The following PRH1 variants were observed in gnomAD, a reference collection of about 807,000 sequenced individuals.
The protein encoded by PRH1 is proline rich protein HaeIII subfamily 1.
Under a neutral mutation model 7.9 loss-of-function variants are expected in PRH1, and 7 were observed. The ratio of observed to expected loss-of-function variants is 0.89; its 90% CI spans 0.50 to 1.67. The LOEUF is 1.67. PRH1 is among the 40% of genes most tolerant of loss of function. PRH1 has a pLI of 0.00. For missense variants in PRH1, 109 were observed against 223.6 expected, an observed-to-expected ratio of 0.49 and a Z score of 3.27; for synonymous variants, 45 against 80.8, an observed-to-expected ratio of 0.56 and a Z score of 2.38.
At chr12:10,978,271 C>G (rs1341471593) in intron 1 of PRH1, among the ~76,000 whole-genome samples, 1 of 152,160 alleles carries the variant, frequency 6.6e-6, no homozygotes, top group African/African-American at 2.4e-5. Context: ...CACCCACCTA[C>G]AGCCATCTGA....
intron 1 of PRH1, among the ~76,000 whole-genome samples, chr12:11,041,078 A>G (rs1050770728): frequency 3.3e-5 from 5 of 152,074 alleles, no homozygotes; most frequent in African/African-American, 1.2e-4. Context: ...AAGAAATAAT[A>G]AAATGACAGA....
chr12:11,087,825 A>T (rs1944756836), intron 1 of PRH1, among the ~76,000 whole-genome samples: 1 of 115,896 alleles, frequency 8.6e-6, no homozygotes, highest in Non-Finnish European at 2.0e-5. Context: ...GCTTTCCAGG[A>T]TGTGCTGTCT....
intron 1 of PRH1, among the ~76,000 whole-genome samples, chr12:11,004,762 C>T (rs1940751075): frequency 6.6e-6 from 1 of 151,918 alleles, no homozygotes; most frequent in Non-Finnish European, 1.5e-5. Context: ...TTCCTTTAAT[C>T]AATCATTACG....
At chr12:11,144,713 T>C (rs1946812959) in intron 1 of PRH1, among the ~76,000 whole-genome samples, 1 of 152,196 alleles carries the variant, frequency 6.6e-6, no homozygotes, top group South Asian at 2.1e-4. Flanking sequence ...GATGGAGTAC[T>C]ATGGTGCCAG....
At chr12:11,158,001 G>A (rs927428485) in intron 1 of PRH1, among the ~76,000 whole-genome samples, 1 of 152,010 alleles carries the variant, frequency 6.6e-6, no homozygotes, top group Admixed American at 6.6e-5. Context: ...GGCTTAACCT[G>A]GAAGAATATT....
chr12:11,027,600 A>G (rs1001652396), intron 1 of PRH1, among the ~76,000 whole-genome samples: 1 of 152,248 alleles, frequency 6.6e-6, no homozygotes, highest in Non-Finnish European at 1.5e-5. Flanking sequence ...GCTCTGACTC[A>G]TTAATGAAGT....
At chr12:11,057,312 T>G (rs1166156913) in intron 1 of PRH1, among the ~76,000 whole-genome samples, 4 of 152,224 alleles carry the variant, frequency 2.6e-5, no homozygotes, top group African/African-American at 9.6e-5. Flanking sequence ...GGGGGAGGTT[T>G]TGAAGGTCAG....
chr12:11,075,174 A>C (rs1441827236), intron 1 of PRH1, among the ~76,000 whole-genome samples: 3 of 124,264 alleles, frequency 2.4e-5, no homozygotes, highest in Non-Finnish European at 5.6e-5. Context: ...TGGCAATTAA[A>C]ACATTCATTT....
At chr12:11,066,155 T>C (rs1403008695) in intron 1 of PRH1, among the ~76,000 whole-genome samples, 7 of 151,672 alleles carry the variant, frequency 4.6e-5, no homozygotes, top group African/African-American at 1.7e-4. Flanking sequence ...CAAAACTGAA[T>C]CTGGTGTTTC....
downstream of PRH1, among the ~76,000 whole-genome samples, chr12:11,119,714 T>C (rs1423667434): frequency 4.6e-5 from 7 of 152,194 alleles, no homozygotes; most frequent in Non-Finnish European, 1.0e-4. Context: ...AAATTCCACA[T>C]ATTGACAGTA....
At chr12:10,884,424 T>G, upstream of PRH1, 1 of 621,414 alleles carries the variant, frequency 1.6e-6, no homozygotes, top group South Asian at 2.0e-5. Context: ...AAGGGTTGGG[T>G]AGGATATTGT....
At chr12:10,895,996 A>AT (rs1194799985) in intron 2 of PRH1, 4 of 152,226 alleles carry the variant, frequency 2.6e-5, no homozygotes, top group African/African-American at 9.6e-5. Flanking sequence ...ATTGATGGCC[A>AT]TTGGTGTAGT....
chr12:11,133,659 G>T (rs776767661), intron 1 of PRH1: 2 of 1,614,144 alleles, frequency 1.2e-6, no homozygotes, highest in African/African-American at 2.7e-5. Context: ...ATTAACAGCA[G>T]AAAAGATATC....
At chr12:11,011,655 A>G (rs1021244798) in intron 1 of PRH1, among the ~76,000 whole-genome samples, 2 of 152,170 alleles carry the variant, frequency 1.3e-5, no homozygotes, top group Non-Finnish European at 2.9e-5. Flanking sequence ...AACCAGAATC[A>G]TGACCACTGT....
At chr12:11,122,871 A>T (rs1945958816) in intron 1 of PRH1, among the ~76,000 whole-genome samples, 2 of 152,222 alleles carry the variant, frequency 1.3e-5, no homozygotes, top group African/African-American at 4.8e-5. Context: ...TCATGTAACC[A>T]TTATGTAGGG....
At chr12:11,079,220 G>T (rs1314450409) in intron 1 of PRH1, 1 of 117,520 alleles carries the variant, frequency 8.5e-6, no homozygotes, top group Admixed American at 8.5e-5. Context: ...CACAGGCAGG[G>T]TGACTACCTT....
chr12:10,939,318 T>C, intron 2 of PRH1: 1 of 638,902 alleles, frequency 1.6e-6, no homozygotes, highest in Non-Finnish European at 2.5e-6. Flanking sequence ...ATATATTCCC[T>C]TTAAAAAGGG....
intron 1 of PRH1, among the ~76,000 whole-genome samples, chr12:10,991,070 C>G (rs1349148836): frequency 1.3e-5 from 2 of 152,102 alleles, no homozygotes; most frequent in African/African-American, 4.8e-5. Context: ...TTCTAGAGAC[C>G]AGGATTGACT....
At chr12:10,941,269 T>C (rs920647208) in intron 2 of PRH1, among the ~76,000 whole-genome samples, 11 of 152,194 alleles carry the variant, frequency 7.2e-5, no homozygotes, top group African/African-American at 2.7e-4. Context: ...GCATCATTCA[T>C]GCTGGGTTGA....
Sources: allele counts gnomAD v4.1 joint callset (sites outside exome capture counted in the v4.1 genomes callset), GRCh38; gene constraint gnomAD v4.1.1; transcripts MANE v1.5; gene names NCBI Gene and HGNC (gene_info 2026-07-23, HGNC 2026-07-21).